Variants in LAMA1 observed in about 807,000 individuals in gnomAD.
LAMA1 encodes the protein laminin subunit alpha 1, also known as laminin subunit alpha-1.
A neutral mutation model predicts 348.7 loss-of-function variants in LAMA1; 219 were observed. The ratio of observed to expected loss-of-function variants is 0.63; its 90% CI spans 0.56 to 0.70. The LOEUF (loss-of-function observed/expected upper bound fraction) is 0.70, where lower values mean the gene tolerates loss of function less well. Among genes scored for constraint, LAMA1 ranks in the 30% least tolerant of loss-of-function variants. LAMA1 has a pLI of 0.00. For missense variants in LAMA1, 3,744 were observed against 3,888.0 expected (o/e 0.96, Z 0.99); for synonymous variants, 1,487 against 1,491.0 (o/e 1.00, Z 0.06).
rs979282920 is a variant in LAMA1, at chr18:6,943,712, G to A, written c.8845-310C>T. ...AAAAACACAAAAAAATTAGCTAGGCGCATGCCTGTAATCCCAGCAACTCAG... is the reference window on the plus strand; with the variant it reads ...AAAAACACAAAAAAATTAGCTAGGCACATGCCTGTAATCCCAGCAACTCAG... On this transcript the variant is annotated intron_variant, in intron 61 of 62. Transcript: ENST00000389658. Among the ~76,000 whole-genome samples, 26 of 151,744 alleles carry A rather than the reference G, an allele frequency of 1.7e-4. 3 individuals carry two copies. The South Asian group carries it at 3.6e-3, about 21-fold the overall frequency.
chr18:7,044,794 T>A lies in LAMA1; in HGVS notation c.904A>T (p.Asn302Tyr). Residue 302 changes from asparagine to tyrosine, a missense_variant, in exon 7 of 63, where the codon AAC (asparagine) becomes TAC (tyrosine). Asn to Tyr is a moderately radical substitution (Grantham distance 143). Around this residue, in one of 3 missense-constraint regions of LAMA1, gnomAD observed 1,529 missense variants for 1,689.4 expected, o/e 0.91. Coordinates refer to ENST00000389658, the MANE Select transcript of LAMA1 (RefSeq NM_005559.4). ...TGATGGTACCCAGGACAGCACCTGT[T>A]ACAGCTCTCCCCGCAAGTATTATGC... is the stretch of plus-strand genomic sequence containing the variant. ...CEHNTCGESCNRCCPGYHQQP... is the reference protein window; with the variant it reads ...CEHNTCGESCYRCCPGYHQQP... 1 of 1,614,208 alleles carries A rather than the reference T, an allele frequency of 6.2e-7. No homozygotes were observed. The highest frequency in any genetic ancestry group is 8.5e-7 in the Non-Finnish European group (1 of 1,180,040).
intron 30 of LAMA1, among the ~76,000 whole-genome samples, chr18:7,001,738 T>A (rs1326164387): frequency 6.6e-6 from 1 of 152,236 alleles, no homozygotes; most frequent in East Asian, 1.9e-4. Flanking sequence ...GATATTCTAA[T>A]TCCCACTTAA....
chr18:7,029,085 T>TC (rs1568037780), intron 16 of LAMA1, among the ~76,000 whole-genome samples: 3 of 152,110 alleles, frequency 2.0e-5, no homozygotes, highest in Non-Finnish European at 4.4e-5. Context: ...TGTAAGCATT[T>TC]GTATTACATC....
intron 45 of LAMA1, among the ~76,000 whole-genome samples, chr18:6,975,492 T>C (rs1043605376): frequency 6.6e-6 from 1 of 152,260 alleles, no homozygotes; most frequent in African/African-American, 2.4e-5. Context: ...AGATACTATA[T>C]GTGCCCGTTA....
chr18:7,004,244 C>T (rs1309353963), intron 29 of LAMA1, among the ~76,000 whole-genome samples: 3 of 152,164 alleles, frequency 2.0e-5, no homozygotes, highest in Admixed American at 1.3e-4. Flanking sequence ...AAGGTTCAGT[C>T]GTATCTCCCA....
At chr18:7,035,022 A>G (rs1031521312) in intron 13 of LAMA1, among the ~76,000 whole-genome samples, 1 of 152,240 alleles carries the variant, frequency 6.6e-6, no homozygotes, top group Non-Finnish European at 1.5e-5. Flanking sequence ...AGAAGTAGAA[A>G]AAGTATGTAA....
chr18:6,992,608 C>T lies in LAMA1; in HGVS notation c.5121G>A (p.Gln1707=). 6.2e-7 allele frequency: 1 copy of T among 1,614,182 alleles called. No homozygotes were observed. The highest frequency in any genetic ancestry group is 8.5e-7 in the Non-Finnish European group (1 of 1,180,006). The part of the protein sequence containing the change: ...QNGTSLLEIM[Q]IRDFTQLHQN... ...GGTGCAACTGTGTGAAGTCTCTTAT[C>T]TGCATGATTTCTAGCAAAGATGTAC... Residue 1707 remains glutamine, a synonymous_variant, in exon 36 of 63, where the codon CAG becomes CAA. Coordinates refer to ENST00000389658, the MANE Select transcript of LAMA1 (RefSeq NM_005559.4).
intron 55 of LAMA1, 189 bp from the exon 56 acceptor site, chr18:6,956,954 G>T: frequency 1.5e-6 from 1 of 648,552 alleles, no homozygotes; most frequent in South Asian, 1.8e-5. Flanking sequence ...TTTCTTGTCT[G>T]AAGCTTCTGC....
At chr18:7,075,417 G>A (rs941142290) in intron 3 of LAMA1, among the ~76,000 whole-genome samples, 1 of 152,146 alleles carries the variant, frequency 6.6e-6, no homozygotes, top group African/African-American at 2.4e-5. Context: ...GAGGTTGGGA[G>A]TTCGAGGCCA....
intron 1 of LAMA1, among the ~76,000 whole-genome samples, chr18:7,111,619 T>C (rs903780536): frequency 2.6e-5 from 4 of 152,242 alleles, no homozygotes; most frequent in Non-Finnish European, 5.9e-5. Context: ...GTTCATGACC[T>C]TAACTAAATT....
intron 42 of LAMA1, among the ~76,000 whole-genome samples, chr18:6,979,252 AGCCCAATGCAGCATGC>A (rs1224480320): frequency 6.6e-6 from 1 of 152,260 alleles, no homozygotes; most frequent in Non-Finnish European, 1.5e-5. Flanking sequence ...GTAAGAAGTA[AGCCCAATGCAGCATGC>A]CCAGTTTCCC....
At position 7,057,865 on chromosome 18, in the gene LAMA1, G is replaced by A. The variant is rs891994368; in HGVS notation, c.346-6929C>T. Reference sequence around the variant, plus strand: ...GTTGGAGTGCAGTGGTGCGATCTCCGCTCACTGCAACCTCCACCTCCTGGG... The same window carrying A: ...GTTGGAGTGCAGTGGTGCGATCTCCACTCACTGCAACCTCCACCTCCTGGG... On this transcript the variant is annotated intron_variant, in intron 3 of 62. Coordinates refer to ENST00000389658, the MANE Select transcript of LAMA1 (RefSeq NM_005559.4). 2.0e-5 allele frequency among the ~76,000 whole-genome samples: 3 copies of A among 150,834 alleles called. No homozygotes were observed. The East Asian group carries it at 5.9e-4, about 29-fold the overall frequency.
chr18:7,117,540 G>A (rs2058362662), intron 1 of LAMA1, 120 bp downstream of exon 1: 2 of 1,046,818 alleles, frequency 1.9e-6, no homozygotes. Flanking sequence ...CACCCACTCC[G>A]AGGTGGATCA....
chr18:6,965,409 C>T lies in LAMA1; in HGVS notation c.7074G>A (p.Leu2358=). The change falls in exon 50 of 63, where the codon CTG becomes CTA. Residue 2358 remains leucine, a synonymous_variant. Coordinates refer to ENST00000389658, the MANE Select transcript of LAMA1 (RefSeq NM_005559.4). ...YGTKDFLSIE[L]FRGRVKVMTD... is the part of the protein sequence containing the mutation. ...TCATAACCTTCACTCTGCCACGAAA[C>T]AGCTCGATGGATAAAAAGTCTTTCT... 1 of 1,614,142 alleles carries T rather than the reference C, an allele frequency of 6.2e-7. No homozygotes were observed. Among genetic ancestry groups the T allele is most frequent in the Non-Finnish European group, 8.5e-7 (1 of 1,180,016 alleles).
intron 19 of LAMA1, among the ~76,000 whole-genome samples, chr18:7,022,933 T>C (rs2057924684): frequency 1.3e-5 from 2 of 152,182 alleles, no homozygotes; most frequent in Admixed American, 6.5e-5. Context: ...AGGCTGCATC[T>C]TTCCAGGCCA....
intron 3 of LAMA1, among the ~76,000 whole-genome samples, chr18:7,064,621 C>A (rs1394473335): frequency 6.6e-6 from 1 of 152,134 alleles, no homozygotes; most frequent in Non-Finnish European, 1.5e-5. Flanking sequence ...ACAGCAAGTT[C>A]GGGCAGCCCC....
chr18:7,045,917 T>A (rs1005862856), intron 6 of LAMA1, among the ~76,000 whole-genome samples: 13 of 152,096 alleles, frequency 8.5e-5, no homozygotes, highest in African/African-American at 2.9e-4. Flanking sequence ...GAGAAAACCT[T>A]TCTTCTAAAA....
At chr18:7,062,104 A>G (rs943452500) in intron 3 of LAMA1, among the ~76,000 whole-genome samples, 2 of 152,202 alleles carry the variant, frequency 1.3e-5, no homozygotes, top group African/African-American at 4.8e-5. Context: ...TGTCACAGGG[A>G]CTAAGCCAGG....
chr18:7,072,700 C>T (rs1182584447), intron 3 of LAMA1, among the ~76,000 whole-genome samples: 2 of 152,174 alleles, frequency 1.3e-5, no homozygotes, highest in African/African-American at 2.4e-5. Flanking sequence ...CCCAGGATGT[C>T]GAGGGCTGCT....
Sources: gnomAD v4.1 joint callset for allele counts (sites outside exome capture counted in the v4.1 genomes callset) on GRCh38, gnomAD v4.1.1 for gene constraint, gnomAD v4.1.1 regional missense constraint, MANE v1.5 for transcripts, NCBI Gene and HGNC (gene_info 2026-07-23, HGNC 2026-07-21) for gene names.